MYO3A: variants seen among roughly 807,000 people sequenced by gnomAD.
The protein encoded by MYO3A is myosin-IIIa.
In MYO3A, 180 loss-of-function variants were observed where a neutral mutation model predicts 192.7. The observed-to-expected ratio is 0.93, with a 90% CI of 0.83 to 1.06. The LOEUF is 1.06. MYO3A is among the 50% of genes least tolerant of loss of function. MYO3A has a pLI of 0.00. For missense variants in MYO3A, 1,896 were observed against 1,905.0 expected, an observed-to-expected ratio of 1.00 and a Z score of 0.09; for synonymous variants, 628 against 645.3, an observed-to-expected ratio of 0.97 and a Z score of 0.41.
chr10:26,098,945 G>C (rs1837245917), intron 17 of MYO3A, among the ~76,000 whole-genome samples: 2 of 152,174 alleles, frequency 1.3e-5, no homozygotes, highest in South Asian at 4.1e-4. Flanking sequence ...CCAATTCTGT[G>C]AAGAAAGTCA....
intron 10 of MYO3A, among the ~76,000 whole-genome samples, chr10:26,057,641 C>T (rs1476899741): frequency 1.3e-5 from 2 of 152,110 alleles, no homozygotes; most frequent in Non-Finnish European, 2.9e-5. Context: ...CTTCAAGGTC[C>T]AGTGGAGGGA....
intron 18 of MYO3A, among the ~76,000 whole-genome samples, chr10:26,122,288 T>C (rs1177942532): frequency 1.3e-5 from 2 of 152,230 alleles, no homozygotes; most frequent in African/African-American, 4.8e-5. Flanking sequence ...AAAATGTTGA[T>C]ATTAATATGA....
chr10:26,170,019 T>C (rs933128107), intron 28 of MYO3A, among the ~76,000 whole-genome samples: 2 of 152,098 alleles, frequency 1.3e-5, no homozygotes, highest in African/African-American at 4.8e-5. Flanking sequence ...TTCTAAAACT[T>C]AAAAAAAATT....
At chr10:25,958,430 G>A (rs1340779866) in intron 4 of MYO3A, among the ~76,000 whole-genome samples, 2 of 152,012 alleles carry the variant, frequency 1.3e-5, no homozygotes, top group Non-Finnish European at 2.9e-5. Context: ...TGGGCTCTCT[G>A]TTCTGTTCCA....
intron 10 of MYO3A, among the ~76,000 whole-genome samples, chr10:26,061,613 G>A (rs1479229095): frequency 6.6e-6 from 1 of 152,086 alleles, no homozygotes; most frequent in African/African-American, 2.4e-5. Flanking sequence ...TGAAATCCAT[G>A]CCAAGAAAGT....
intron 4 of MYO3A, among the ~76,000 whole-genome samples, chr10:25,987,339 A>G (rs980321168): frequency 7.2e-5 from 11 of 152,350 alleles, no homozygotes; most frequent in African/African-American, 2.6e-4. Flanking sequence ...AGCAAATGCA[A>G]CAAAAACAAA....
At position 26,212,367 on chromosome 10, in the gene MYO3A, G is replaced by A; in HGVS notation, c.*404G>A. The stretch of plus-strand genomic sequence containing the variant: ...AATTCACAGATTTTTTTTTTTATTG[G>A]AAACGGCTTTTCTTGGCCAACAGAA... On this transcript the variant is annotated 3_prime_UTR_variant, in exon 35 of 35. Transcript: ENST00000642920. The A allele has an allele frequency of 2.8e-6, 1 of 357,316 alleles. No homozygotes were observed. The highest frequency in any genetic ancestry group is 4.6e-5 in the Admixed American group (1 of 21,586). 22.1% of individuals were successfully genotyped at this position (357,316 alleles called of 1,614,324 possible).
At position 25,974,662 on chromosome 10, in the gene MYO3A, TCTAA is replaced by T. The variant is rs1431923787; in HGVS notation, c.303+19657_303+19660del. On this transcript the variant is annotated intron_variant, in intron 4 of 34. Coordinates refer to ENST00000642920, the MANE Select transcript of MYO3A (RefSeq NM_017433.5). Reference sequence around the variant, plus strand: ...CTCAAATGCCACAGACTCCTACTGTTCTAACTGAGATTGTGTTATGATCTTGAAT... The same window carrying T: ...CTCAAATGCCACAGACTCCTACTGTTCTGAGATTGTGTTATGATCTTGAAT... 7.2e-5 allele frequency among the ~76,000 whole-genome samples: 11 copies of T among 152,320 alleles called. 1 individual carries two copies. In the Middle Eastern group the frequency reaches 0.01, roughly 141 times the overall value.
chr10:26,051,085 A>G (rs954087840), intron 10 of MYO3A, among the ~76,000 whole-genome samples: 1 of 152,156 alleles, frequency 6.6e-6, no homozygotes, highest in Non-Finnish European at 1.5e-5. Flanking sequence ...CCTTCCCACC[A>G]ATGTCCCTCC....
chr10:26,130,241 A>G (rs1839454096), intron 20 of MYO3A, among the ~76,000 whole-genome samples: 1 of 151,986 alleles, frequency 6.6e-6, no homozygotes, highest in South Asian at 2.1e-4. Context: ...AGTAGCTGGG[A>G]CCACAGGCAT....
intron 26 of MYO3A, among the ~76,000 whole-genome samples, chr10:26,158,747 C>T (rs556110399): frequency 6.6e-5 from 10 of 151,820 alleles, no homozygotes; most frequent in Non-Finnish European, 1.3e-4. Flanking sequence ...ATGAAATTTC[C>T]ATTTTTAAAG....
chr10:26,108,425 C>CA (rs1051741690), intron 17 of MYO3A, among the ~76,000 whole-genome samples: 1 of 152,010 alleles, frequency 6.6e-6, no homozygotes, highest in Non-Finnish European at 1.5e-5. Context: ...CAATTATTCT[C>CA]AAAAAAATTA....
chr10:26,095,680 G>C (rs772816372), intron 15 of MYO3A, among the ~76,000 whole-genome samples: 4 of 152,304 alleles, frequency 2.6e-5, no homozygotes, highest in Middle Eastern at 3.4e-3. Flanking sequence ...AACTTACCTT[G>C]TTGTAATCAT....
intron 4 of MYO3A, among the ~76,000 whole-genome samples, chr10:25,970,422 G>A (rs1006781782): frequency 6.6e-6 from 1 of 152,016 alleles, no homozygotes; most frequent in Non-Finnish European, 1.5e-5. Context: ...CATATCAAAT[G>A]TGTAGAATGC....
chr10:26,096,621 T>A lies in MYO3A; in HGVS notation c.1715T>A (p.Phe572Tyr), dbSNP rs1232488650. 1 of 1,607,026 alleles carries A rather than the reference T, an allele frequency of 6.2e-7. No individual in the cohort carries two copies. Among genetic ancestry groups the A allele is most frequent in the South Asian group, 1.1e-5 (1 of 90,948 alleles). The part of the protein sequence containing the change: ...RTVQDIMNNS[F>Y]YKSQYELIEQ... Reference sequence around the variant, plus strand: ...GTACAAGACATCATGAATAATAGTTTCTATAAATCCCAGTATGAATTAATT... The same window carrying A: ...GTACAAGACATCATGAATAATAGTTACTATAAATCCCAGTATGAATTAATT... The change falls in exon 17 of 35, where the codon TTC becomes TAC. Residue 572 changes from phenylalanine (F) to tyrosine (Y), a missense_variant. Physicochemically the swap from Phe to Tyr is conservative, Grantham distance 22 (BLOSUM62 3). Transcript: ENST00000642920.
chr10:26,026,351 T>A (rs1427084620), intron 9 of MYO3A, 26 bp from the exon 10 acceptor site: 1 of 1,613,352 alleles, frequency 6.2e-7, no homozygotes, highest in South Asian at 1.1e-5. Flanking sequence ...TATCTAATAA[T>A]TGCATGTTCT....
Position 26,157,470 on chromosome 10 carries a change from G to A in MYO3A, c.2954G>A (p.Arg985Lys). 6.2e-7 allele frequency: 1 copy of A among 1,614,114 alleles called. No individual in the cohort carries two copies. Among genetic ancestry groups the A allele is most frequent in the Non-Finnish European group, 8.5e-7 (1 of 1,179,994 alleles). ...TGILETARIR[R>K]LGFSHRILFA... ...ATTCTGGAAACAGCAAGAATTCGAAGACTAGGATTCTCCCATCGGATACTT... is the reference window on the plus strand; with the variant it reads ...ATTCTGGAAACAGCAAGAATTCGAAAACTAGGATTCTCCCATCGGATACTT... Residue 985 changes from arginine to lysine, a missense_variant, in exon 26 of 35, where the codon AGA becomes AAA. Transcript: ENST00000642920.
chr10:26,173,905 AACAGAAGTCTGTC>A lies in MYO3A; in HGVS notation c.3643_3655del (p.Gln1215LysfsTer9). 15 of 1,613,772 alleles carry A rather than the reference AACAGAAGTCTGTC, an allele frequency of 9.3e-6. No homozygotes were observed. Among genetic ancestry groups the A allele is most frequent in the Non-Finnish European group, 1.3e-5 (15 of 1,179,988 alleles). On this transcript the variant is annotated frameshift_variant, in exon 30 of 35. Transcript: ENST00000642920. LOFTEE classifies it high-confidence loss of function. ...CTTGTAGGGCCAGAAGTAAGCCCCA[AACAGAAGTCTGTC>A]AAAGACCTGGAAGAGAACAGCAATC...
At chr10:26,013,128 G>A (rs1053371722) in intron 6 of MYO3A, among the ~76,000 whole-genome samples, 7 of 152,052 alleles carry the variant, frequency 4.6e-5, no homozygotes, top group East Asian at 3.8e-4. Context: ...AGCAACTCAC[G>A]ATGGATCAAA....
Sources: allele counts gnomAD v4.1 joint callset (sites outside exome capture counted in the v4.1 genomes callset), GRCh38; gene constraint gnomAD v4.1.1; transcripts MANE v1.5; gene names NCBI Gene and HGNC (gene_info 2026-07-23, HGNC 2026-07-21).